RNF38: variants seen among roughly 807,000 people sequenced by gnomAD.
RNF38 encodes E3 ubiquitin-protein ligase RNF38.
Under a neutral mutation model 67.2 loss-of-function variants are expected in RNF38, and 15 were observed. The observed-to-expected ratio is 0.22, with a 90% CI of 0.15 to 0.34. The LOEUF is 0.34. Among genes scored for constraint, RNF38 ranks in the 10% least tolerant of loss-of-function variants. The pLI is 1.00. For synonymous variants in RNF38, 220 were observed against 218.8 expected (o/e 1.01, Z -0.05); for missense variants, 524 against 639.9 (o/e 0.82, Z 1.95).
chr9:36,487,268 C>A (rs1460043101), intron 1 of RNF38: 1 of 983,008 alleles, frequency 1.0e-6, no homozygotes, highest in East Asian at 1.1e-4. Context: ...CGGGACCGAC[C>A]CACGCCCCTC....
rs752572925 is a variant in RNF38 at position 36,356,354 on chromosome 9, A to ATGAGGAGGATGATGGGGAGAAAGG, written c.834_857dup (p.Ser280_Leu287dup). 3.7e-6 allele frequency: 6 copies of ATGAGGAGGATGATGGGGAGAAAGG among 1,613,944 alleles called. No homozygotes were observed. The highest frequency in any genetic ancestry group is 1.3e-5 in the African/African-American group (1 of 74,904). ...GGACAAACTGGCCTGGTGGTGGCAA[A>ATGAGGAGGATGATGGGGAGAAAGG]TGAGGAGGATGATGGGGAGAAAGGT... On this transcript the variant is annotated inframe_insertion, in exon 6 of 12. Coordinates refer to ENST00000259605, the MANE Select transcript of RNF38 (RefSeq NM_022781.5).
At chr9:36,478,427 A>G in intron 1 of RNF38, among the ~76,000 whole-genome samples, 1 of 139,234 alleles carries the variant, frequency 7.2e-6, no homozygotes, top group Non-Finnish European at 1.6e-5. Context: ...AAAAAAAGAG[A>G]GCGTTTATTA....
intron 1 of RNF38, among the ~76,000 whole-genome samples, chr9:36,399,732 A>G (rs1260192866): frequency 6.6e-6 from 1 of 152,120 alleles, no homozygotes; most frequent in African/African-American, 2.4e-5. Flanking sequence ...CCCTGAAGAT[A>G]GGAACAATTT....
At chr9:36,473,390 C>T (rs957298061) in intron 1 of RNF38, among the ~76,000 whole-genome samples, 1 of 152,050 alleles carries the variant, frequency 6.6e-6, no homozygotes, top group African/African-American at 2.4e-5. Flanking sequence ...GAGTTCAAGA[C>T]CAGCCTGGCT....
In RNF38 at chr9:36,353,194, C is replaced by T; in HGVS notation, c.1047G>A (p.Leu349=). The change falls in exon 7 of 12, where the codon TTG becomes TTA. Residue 349 remains leucine (L), a synonymous_variant. Coordinates refer to ENST00000259605, the MANE Select transcript of RNF38 (RefSeq NM_022781.5). ...CTACTCCAAAGGACACCTCCTGATG[C>T]AAAGGATCATGTGTTAAGAACTGCA... ...APLQFLTHDP[L]HQEVSFGVPY... is the part of the protein sequence containing the mutation. 6.2e-7 allele frequency: 1 copy of T among 1,614,016 alleles called. No individual in the cohort carries two copies. Among genetic ancestry groups the T allele is most frequent in the Non-Finnish European group, 8.5e-7 (1 of 1,179,972 alleles).
chr9:36,436,048 A>G (rs1587133768), intron 1 of RNF38, among the ~76,000 whole-genome samples: 2 of 152,324 alleles, frequency 1.3e-5, no homozygotes, highest in East Asian at 3.9e-4. Flanking sequence ...ATGGCAAAAC[A>G]ATTCATTTAA....
At chr9:36,393,361 C>A (rs1330654851) in intron 1 of RNF38, among the ~76,000 whole-genome samples, 1 of 151,952 alleles carries the variant, frequency 6.6e-6, no homozygotes, top group Non-Finnish European at 1.5e-5. Context: ...AAAGGATGGA[C>A]CAATATAATG....
At chr9:36,478,534 T>C (rs536051974) in intron 1 of RNF38, among the ~76,000 whole-genome samples, 7 of 142,072 alleles carry the variant, frequency 4.9e-5, no homozygotes, top group Non-Finnish European at 1.1e-4. Flanking sequence ...AAAAAAAAGA[T>C]TGGCCGGGCA....
intron 1 of RNF38, among the ~76,000 whole-genome samples, chr9:36,439,948 T>TA (rs1196279673): frequency 6.6e-6 from 1 of 152,258 alleles, no homozygotes; most frequent in Non-Finnish European, 1.5e-5. Context: ...CAGCCTGCCT[T>TA]AAAGTTACTG....
chr9:36,448,798 GT>G (rs1181496486), intron 1 of RNF38, among the ~76,000 whole-genome samples: 3 of 151,934 alleles, frequency 2.0e-5, no homozygotes, highest in African/African-American at 7.3e-5. Context: ...GAGGTCAGGA[GT>G]TTGAGACCAG....
chr9:36,389,923 T>A (rs1836940594), intron 2 of RNF38, among the ~76,000 whole-genome samples: 1 of 152,214 alleles, frequency 6.6e-6, no homozygotes, highest in Admixed American at 6.5e-5. Flanking sequence ...TATGGGCAGA[T>A]TCCAGTAATC....
chr9:36,480,548 C>CTTT (rs3072687), intron 1 of RNF38, among the ~76,000 whole-genome samples: 1,327 of 100,744 alleles, frequency 0.013, 32 homozygotes, highest in African/African-American at 0.034. Context: ...TTTTCTTTTT[C>CTTT]TTTTTTTTTT....
In RNF38 at chr9:36,337,571, G is replaced by A. The variant is rs1832541930; in HGVS notation, c.*2181C>T. 1 of 152,598 alleles carries A rather than the reference G, an allele frequency of 6.6e-6. No individual in the cohort carries two copies. The highest frequency in any genetic ancestry group is 1.5e-5 in the Non-Finnish European group (1 of 68,040). 9.5% of individuals were successfully genotyped at this position (152,598 alleles called of 1,614,324 possible). Reference sequence around the variant, plus strand: ...AATAAAATGAATACTGAGTGTCGTAGTGTTAGATCTGTACAGATATAAATT... The same window carrying A: ...AATAAAATGAATACTGAGTGTCGTAATGTTAGATCTGTACAGATATAAATT... On this transcript the variant is annotated 3_prime_UTR_variant, in exon 12 of 12. Transcript: ENST00000259605.
upstream of RNF38, chr9:36,400,914 G>GCCCCGCCGCACCCCGCCTCA (rs1837981498): frequency 4.1e-5 from 39 of 940,144 alleles, no homozygotes; most frequent in Admixed American, 1.4e-4. Flanking sequence ...GCCCCGCCGC[G>GCCCCGCCGCACCCCGCCTCA]CCCCGCCGCA....
intron 9 of RNF38, among the ~76,000 whole-genome samples, chr9:36,346,892 C>A (rs1833277759): frequency 6.6e-6 from 1 of 151,976 alleles, no homozygotes; most frequent in South Asian, 2.1e-4. Flanking sequence ...CTAAGGCAGG[C>A]AGATCACTTG....
At chr9:36,478,453 ATAAAC>A (rs1452939135) in intron 1 of RNF38, among the ~76,000 whole-genome samples, 1 of 150,004 alleles carries the variant, frequency 6.7e-6, no homozygotes, top group Admixed American at 6.7e-5. Flanking sequence ...ACATCCCCAG[ATAAAC>A]TGATTTTTTT....
chr9:36,467,431 A>AC (rs2134399431), intron 1 of RNF38, among the ~76,000 whole-genome samples: 1 of 152,018 alleles, frequency 6.6e-6, no homozygotes, highest in South Asian at 2.1e-4. Flanking sequence ...GCAGCAAGAG[A>AC]AAACAGCCCA....
intron 4 of RNF38, among the ~76,000 whole-genome samples, chr9:36,358,462 A>C (rs968587617): frequency 6.6e-6 from 1 of 152,214 alleles, no homozygotes; most frequent in Non-Finnish European, 1.5e-5. Context: ...TGAAAGCACA[A>C]TTACATATAA....
intron 1 of RNF38, among the ~76,000 whole-genome samples, chr9:36,470,771 C>CACT (rs1201170279): frequency 2.0e-5 from 3 of 152,124 alleles, no homozygotes; most frequent in Non-Finnish European, 4.4e-5. Context: ...ATCTAGCCCC[C>CACT]ACTTCCATGC....
Sources: allele counts gnomAD v4.1 joint callset (sites outside exome capture counted in the v4.1 genomes callset), GRCh38; gene constraint gnomAD v4.1.1; transcripts MANE v1.5; gene names NCBI Gene and HGNC (gene_info 2026-07-23, HGNC 2026-07-21).